The following DTNA variants were observed in gnomAD, a reference collection of about 807,000 sequenced individuals.
DTNA encodes dystrophin-related protein 3.
DTNA carries 43 observed loss-of-function variants against 100.7 expected under a neutral mutation model. The ratio of observed to expected loss-of-function variants is 0.43; its 90% confidence interval spans 0.33 to 0.55. The LOEUF (loss-of-function observed/expected upper bound fraction) is 0.55, where lower values mean the gene tolerates loss of function less well. Ranked by LOEUF, DTNA falls within the 20% of genes least tolerant of loss-of-function variation. The probability of loss-of-function intolerance (pLI) is 0.04; values close to 1 mark genes in which losing one functional copy is unlikely to be tolerated. For synonymous variants in DTNA, 349 were observed against 347.9 expected (o/e 1.00, Z -0.04); for missense variants, 798 against 953.9 (o/e 0.84, Z 2.15).
intron 1 of DTNA, among the ~76,000 whole-genome samples, chr18:34,711,440 A>G (rs1044648394): frequency 2.0e-5 from 3 of 152,210 alleles, no homozygotes; most frequent in Non-Finnish European, 4.4e-5. Context: ...TCCTCTTAGA[A>G]CAAAGCTGTC....
At position 34,725,429 on chromosome 18, in the gene DTNA, T is replaced by TGGGCAAAG. The variant is rs557618572; in HGVS notation, c.-2+14986_-2+14993dup. 1.7e-4 allele frequency among the ~76,000 whole-genome samples: 25 copies of TGGGCAAAG among 147,926 alleles called. No individual in the cohort carries two copies. In the South Asian group the frequency reaches 5.3e-3, roughly 31 times the overall value. ...AAAAAAAAACAACCCCATCAAAAAG[T>TGGGCAAAG]GGGCAAAGGATATGAACAGACACTT... On this transcript the variant is annotated intron_variant, in intron 1 of 22. Coordinates refer to ENST00000444659, the MANE Select transcript of DTNA (RefSeq NM_001386795.1).
chr18:34,827,432 A>C (rs1023174944), intron 9 of DTNA, among the ~76,000 whole-genome samples, 161 bp from the exon 10 acceptor site: 4 of 152,176 alleles, frequency 2.6e-5, no homozygotes, highest in Non-Finnish European at 5.9e-5. Context: ...TAACTTTAAA[A>C]CACTTAAGGA....
intron 13 of DTNA, among the ~76,000 whole-genome samples, chr18:34,847,085 T>C (rs2096393238): frequency 6.6e-6 from 1 of 152,180 alleles, no homozygotes; most frequent in Non-Finnish European, 1.5e-5. Context: ...ACCAACTAGT[T>C]TGTTAACAAG....
intron 20 of DTNA, among the ~76,000 whole-genome samples, chr18:34,880,560 G>C (rs2096862814): frequency 6.6e-6 from 1 of 152,186 alleles, no homozygotes; most frequent in South Asian, 2.1e-4. Flanking sequence ...CTTCAGAAGG[G>C]TGATGTTGCT....
chr18:34,857,509 T>C (rs1194223020), intron 15 of DTNA, among the ~76,000 whole-genome samples: 1 of 152,158 alleles, frequency 6.6e-6, no homozygotes, highest in Admixed American at 6.5e-5. Flanking sequence ...AGGTCACATA[T>C]CCTTTATGGC....
chr18:34,701,487 C>T (rs2081363788), intron 1 of DTNA, among the ~76,000 whole-genome samples: 1 of 152,080 alleles, frequency 6.6e-6, no homozygotes, highest in African/African-American at 2.4e-5. Flanking sequence ...GGCATGATCT[C>T]GATGTGTGCA....
intron 3 of DTNA, among the ~76,000 whole-genome samples, chr18:34,788,691 T>G (rs1309910755): frequency 2.0e-5 from 3 of 152,190 alleles, no homozygotes; most frequent in Non-Finnish European, 4.4e-5. Context: ...CAACTTAAAC[T>G]CCACTAACTC....
intron 1 of DTNA, among the ~76,000 whole-genome samples, chr18:34,719,596 G>A (rs529555265): frequency 1.1e-4 from 17 of 152,156 alleles, no homozygotes; most frequent in South Asian, 2.1e-4. Flanking sequence ...TACTTGTAAC[G>A]TGCTCACAAA....
intron 2 of DTNA, among the ~76,000 whole-genome samples, chr18:34,761,678 C>T (rs572627762): frequency 6.6e-6 from 1 of 152,146 alleles, no homozygotes; most frequent in Non-Finnish European, 1.5e-5. Flanking sequence ...CTTGAGGAGA[C>T]GGTGCAAGAG....
chr18:34,642,853 G>C (rs563912861), intron 1 of DTNA, among the ~76,000 whole-genome samples: 12 of 152,202 alleles, frequency 7.9e-5, no homozygotes, highest in African/African-American at 2.9e-4. Flanking sequence ...CACCGCACCT[G>C]GCCCAGACTG....
At chr18:34,866,032 T>G in intron 17 of DTNA, 1 of 1,515,754 alleles carries the variant, frequency 6.6e-7, no homozygotes, top group Non-Finnish European at 9.2e-7. Flanking sequence ...TTTCCCCATC[T>G]TGCGTTCCTT....
At chr18:34,626,757 ATTC>A (rs1236411445) in intron 1 of DTNA, among the ~76,000 whole-genome samples, 3 of 152,238 alleles carry the variant, frequency 2.0e-5, no homozygotes, top group African/African-American at 7.2e-5. Flanking sequence ...TCCAGTTGGC[ATTC>A]TTCTTAAGAA....
chr18:34,623,136 C>T (rs2056796159), intron 1 of DTNA, among the ~76,000 whole-genome samples: 1 of 152,192 alleles, frequency 6.6e-6, no homozygotes, highest in Non-Finnish European at 1.5e-5. Context: ...GGGCACCATT[C>T]ACATGGAATA....
chr18:34,668,763 TAG>T (rs2076308438), intron 1 of DTNA, among the ~76,000 whole-genome samples: 1 of 152,210 alleles, frequency 6.6e-6, no homozygotes, highest in Non-Finnish European at 1.5e-5. Context: ...TCCTGAGTTC[TAG>T]TTTGATTGCA....
chr18:34,663,482 C>T (rs1285072557), intron 1 of DTNA, among the ~76,000 whole-genome samples: 4 of 152,088 alleles, frequency 2.6e-5, no homozygotes, highest in African/African-American at 9.7e-5. Flanking sequence ...TTTAATAGTG[C>T]AAGGAAATGG....
intron 1 of DTNA, among the ~76,000 whole-genome samples, chr18:34,527,848 G>T (rs549377463): frequency 6.6e-6 from 1 of 152,072 alleles, no homozygotes; most frequent in Admixed American, 6.6e-5. Context: ...GCTTGAACCC[G>T]TATCAAGCTC....
chr18:34,585,443 G>A (rs931541606), intron 1 of DTNA, among the ~76,000 whole-genome samples: 3 of 152,190 alleles, frequency 2.0e-5, no homozygotes, highest in African/African-American at 7.2e-5. Flanking sequence ...TTCCCATGTG[G>A]CTTACATGTG....
At chr18:34,726,607 T>C (rs184717764) in intron 1 of DTNA, among the ~76,000 whole-genome samples, 1 of 152,318 alleles carries the variant, frequency 6.6e-6, no homozygotes, top group Admixed American at 6.5e-5. Flanking sequence ...TAAACCTTAG[T>C]GCTCCAAAAT....
chr18:34,696,345 G>A (rs1221042004), intron 1 of DTNA, among the ~76,000 whole-genome samples: 2 of 152,138 alleles, frequency 1.3e-5, no homozygotes, highest in Non-Finnish European at 1.5e-5. Flanking sequence ...TTGAGAGGCC[G>A]AGGCGGGCGG....
Sources: gnomAD v4.1 joint callset for allele counts (sites outside exome capture counted in the v4.1 genomes callset) on GRCh38, gnomAD v4.1.1 for gene constraint, MANE v1.5 for transcripts, NCBI Gene and HGNC (gene_info 2026-07-23, HGNC 2026-07-21) for gene names.